The following BPIFA1 variants were observed in gnomAD, a reference collection of about 807,000 sequenced individuals.
BPIFA1 encodes BPI fold containing family A member 1.
Under a neutral mutation model 25.1 loss-of-function variants are expected in BPIFA1, and 24 were observed. The observed-to-expected ratio is 0.96, with a 90% CI of 0.69 to 1.35. The LOEUF is 1.35. Ranked by LOEUF, BPIFA1 falls within the 40% of genes most tolerant of loss-of-function variation. BPIFA1 has a pLI of 0.00. For synonymous variants in BPIFA1, 139 were observed against 131.8 expected (o/e 1.05, Z -0.37); for missense variants, 344 against 303.7 (o/e 1.13, Z -0.99).
At chr20:33,236,437 A>G (rs1978681514) in intron 1 of BPIFA1, among the ~76,000 whole-genome samples, 1 of 152,114 alleles carries the variant, frequency 6.6e-6, no homozygotes, top group African/African-American at 2.4e-5. Context: ...CCCAAAAGAG[A>G]TTCAGAGGCT....
chr20:33,239,596 G>T (rs1263070902), intron 3 of BPIFA1, among the ~76,000 whole-genome samples: 1 of 152,196 alleles, frequency 6.6e-6, no homozygotes, highest in Non-Finnish European at 1.5e-5. Flanking sequence ...CTGTGTGTGT[G>T]TCAGATCTGT....
At chr20:33,238,358 C>T (rs1978799308) in intron 3 of BPIFA1, 144 bp downstream of exon 3, 8 of 992,126 alleles carry the variant, frequency 8.1e-6, no homozygotes, top group South Asian at 6.8e-5. Context: ...AGTTCTGAGA[C>T]CCATCTCCAG....
Position 33,239,858 on chromosome 20 carries a change from G to A in BPIFA1, c.376G>A (p.Gly126Ser), listed in dbSNP as rs142118863. 38 of 1,614,124 alleles carry A rather than the reference G, an allele frequency of 2.4e-5. No individual in the cohort carries two copies. Among genetic ancestry groups the A allele is most frequent in the South Asian group, 2.3e-4 (21 of 91,084 alleles). ...ACTTGGCCTTGTGCAGAGCCCTGAT[G>A]GCCACCGTCTCTATGTCACCATCCC... ...LELGLVQSPD[G>S]HRLYVTIPLG... The change falls in exon 4 of 9, where the codon GGC becomes AGC. Residue 126 changes from glycine (G) to serine (S), a missense_variant. By Grantham distance (56) the Gly-to-Ser change is moderately conservative. Transcript: ENST00000354297.
In BPIFA1 at chr20:33,238,202, A is replaced by G; in HGVS notation, c.308A>G (p.Asn103Ser). ...GTGACGTCAGTGATTCCTGGCCTGA[A>G]CAACATCATTGAGTGAGTTGTCCTA... The part of the protein sequence containing the change: ...GKVTSVIPGL[N>S]NIIDIKVTDP... The change falls in exon 3 of 9, where the codon AAC (asparagine) becomes AGC (serine). Residue 103 changes from asparagine (N) to serine (S), a missense_variant. By Grantham distance (46) the Asn-to-Ser change is conservative (BLOSUM62 1). Transcript: ENST00000354297. The G allele has an allele frequency of 6.2e-7, 1 of 1,612,950 alleles. No individual in the cohort carries two copies. Among genetic ancestry groups the G allele is most frequent in the Non-Finnish European group, 8.5e-7 (1 of 1,179,486 alleles).
intron 3 of BPIFA1, among the ~76,000 whole-genome samples, 170 bp downstream of exon 3, chr20:33,238,384 C>T (rs1349634812): frequency 6.6e-6 from 1 of 152,194 alleles, no homozygotes; most frequent in Non-Finnish European, 1.5e-5. Flanking sequence ...CAGGGACACC[C>T]GTCCTCCCCA....
chr20:33,238,482 A>G (rs1408845253), intron 3 of BPIFA1, among the ~76,000 whole-genome samples: 1 of 152,172 alleles, frequency 6.6e-6, no homozygotes, highest in Non-Finnish European at 1.5e-5. Context: ...TCGATTTAAT[A>G]ATCTCCAGTT....
rs572619197 is a variant in BPIFA1, at chr20:33,240,480, G to T, written c.581+95G>T. ...GCTGAGACAATGAGAGAATAGATGA[G>T]TGAGAGGCTGAAAGGGTGGGAAAAT... On this transcript the variant is annotated intron_variant, in intron 5 of 8. Coordinates refer to ENST00000354297, the MANE Select transcript of BPIFA1 (RefSeq NM_130852.3). The T allele has an allele frequency of 9.5e-6, 14 of 1,473,776 alleles. No homozygotes were observed. The South Asian group carries it at 1.1e-4, about 12-fold the overall frequency. The allele number at this position is 1,473,776 out of a possible 1,614,324, so 91.3% of individuals were successfully genotyped here.
chr20:33,241,296 T>G, intron 5 of BPIFA1, 89 bp from the exon 6 acceptor site: 52 of 1,233,638 alleles, frequency 4.2e-5, no homozygotes, highest in Non-Finnish European at 5.3e-5. Context: ...GACTGAGTGT[T>G]GAGACTGTGG....
intron 1 of BPIFA1, among the ~76,000 whole-genome samples, chr20:33,237,134 T>G (rs979028730): frequency 3.3e-5 from 5 of 152,178 alleles, no homozygotes; most frequent in Non-Finnish European, 7.3e-5. Context: ...ATCTGATGGT[T>G]ACTTAATTTA....
At chr20:33,238,277 C>A in intron 3 of BPIFA1, 63 bp downstream of exon 3, 1 of 1,542,820 alleles carries the variant, frequency 6.5e-7, no homozygotes, top group African/African-American at 1.4e-5. Context: ...GATCTGCCAG[C>A]CCCAGGCAGT....
At position 33,238,177 on chromosome 20, in the gene BPIFA1, G is replaced by A. The variant is rs760068411; in HGVS notation, c.283G>A (p.Val95Met). The change falls in exon 3 of 9, where the codon GTG becomes ATG. Residue 95 changes from valine to methionine, a missense_variant. Physicochemically the swap from Val to Met is conservative, Grantham distance 21. Coordinates refer to ENST00000354297, the MANE Select transcript of BPIFA1 (RefSeq NM_130852.3). ...GGLLGGLLGKVTSVIPGLNNI... is the reference protein window; with the variant it reads ...GGLLGGLLGKMTSVIPGLNNI... Reference sequence around the variant, plus strand: ...CCTCCTTGGGGGACTGCTTGGAAAAGTGACGTCAGTGATTCCTGGCCTGAA... The same window carrying A: ...CCTCCTTGGGGGACTGCTTGGAAAAATGACGTCAGTGATTCCTGGCCTGAA... 6 of 1,613,740 alleles carry A rather than the reference G, an allele frequency of 3.7e-6. No homozygotes were observed. Among genetic ancestry groups the A allele is most frequent in the Admixed American group, 3.3e-5 (2 of 59,982 alleles).
chr20:33,242,610 C>T (rs1979037466), intron 8 of BPIFA1, 49 bp downstream of exon 8: 9 of 1,414,330 alleles, frequency 6.4e-6, no homozygotes, highest in South Asian at 1.2e-5. Context: ...GGCTGTTCTT[C>T]TCCTGGTAGA....
chr20:33,241,922 C>T (rs1978996020), intron 6 of BPIFA1, 134 bp from the exon 7 acceptor site: 4 of 780,896 alleles, frequency 5.1e-6, no homozygotes, highest in South Asian at 1.5e-5. Flanking sequence ...CATGTGTGAC[C>T]ATTGATCTGT....
rs1216108983 is a variant in BPIFA1, at chr20:33,237,786, C to T, written c.75C>T (p.Pro25=). 21 of 1,597,772 alleles carry T rather than the reference C, an allele frequency of 1.3e-5. No homozygotes were observed. Among genetic ancestry groups the T allele is most frequent in the East Asian group, 9.0e-5 (4 of 44,392 alleles). ...CCATGGCCCAGTTTGGAGGCCTGCC[C>T]GTGCCCCTGGACCAGACCCTGCCCT... ...AQTMAQFGGL[P]VPLDQTLPLN... The change falls in exon 2 of 9, where the codon CCC becomes CCT. Residue 25 remains proline (P), a synonymous_variant. Coordinates refer to ENST00000354297, the MANE Select transcript of BPIFA1 (RefSeq NM_130852.3).
In BPIFA1 at chr20:33,237,724, G is replaced by A. The variant is rs760530605; in HGVS notation, c.13G>A (p.Gly5Arg). Residue 5 changes from glycine (G) to arginine (R), a missense_variant, in exon 2 of 9, where the codon GGG (glycine) becomes AGG (arginine). Coordinates refer to ENST00000354297, the MANE Select transcript of BPIFA1 (RefSeq NM_130852.3). MFQT[G>R]GLIVFYGLLA... is the part of the protein sequence containing the mutation. ...ACTAAGAGCAAAGATGTTTCAAACT[G>A]GGGGCCTCATTGTCTTCTACGGGCT... is the stretch of plus-strand genomic sequence containing the variant. The A allele has an allele frequency of 9.6e-6, 14 of 1,462,524 alleles. No homozygotes were observed. In the Admixed American group the frequency reaches 3.4e-4, roughly 36 times the overall value. The allele number at this position is 1,462,524 out of a possible 1,614,324, so 90.6% of individuals were successfully genotyped here.
chr20:33,240,368 A>C lies in BPIFA1; in HGVS notation c.564A>C (p.Gln188His), dbSNP rs1978904275. 11 of 1,614,082 alleles carry C rather than the reference A, an allele frequency of 6.8e-6. No individual in the cohort carries two copies. The highest frequency in any genetic ancestry group is 9.3e-6 in the Non-Finnish European group (11 of 1,180,012). ...GDCTHSPGSL[Q>H]ISLLDGLGPL... ...GCACCCATTCCCCTGGAAGCCTGCA[A>C]ATTTCTCTGCTTGATGGGTGAGGCC... Residue 188 changes from glutamine to histidine, a missense_variant, in exon 5 of 9, where the codon CAA (glutamine) becomes CAC (histidine). Coordinates refer to ENST00000354297, the MANE Select transcript of BPIFA1 (RefSeq NM_130852.3).
Position 33,239,129 on chromosome 20 carries a change from G to A in BPIFA1, c.321-674G>A, listed in dbSNP as rs893783656. Among the ~76,000 whole-genome samples, 6 of 152,096 alleles carry A rather than the reference G, an allele frequency of 3.9e-5. No homozygotes were observed. The South Asian group carries it at 1.2e-3, about 32-fold the overall frequency. On this transcript the variant is annotated intron_variant, in intron 3 of 8. Coordinates refer to ENST00000354297, the MANE Select transcript of BPIFA1 (RefSeq NM_130852.3). ...AATGGCCTCCCTGCTTGATGGGTGC[G>A]GTCACAGGCCTGGCTTCTCCTGGAG...
chr20:33,239,895 A>G lies in BPIFA1; in HGVS notation c.413A>G (p.Lys138Arg). Residue 138 changes from lysine (K) to arginine (R), a missense_variant, in exon 4 of 9, where the codon AAG becomes AGG. Physicochemically the swap from Lys to Arg is conservative, Grantham distance 26. Coordinates refer to ENST00000354297, the MANE Select transcript of BPIFA1 (RefSeq NM_130852.3). ...TATGTCACCATCCCTCTCGGCATAA[A>G]GCTCCAAGTGAATACGTGAGTGGGT... ...RLYVTIPLGI[K>R]LQVNTPLVGA... 1 of 1,614,000 alleles carries G rather than the reference A, an allele frequency of 6.2e-7. No homozygotes were observed. Among genetic ancestry groups the G allele is most frequent in the East Asian group, 2.2e-5 (1 of 44,874 alleles).
Position 33,242,604 on chromosome 20 carries a change from G to A in BPIFA1, c.*34+43G>A, listed in dbSNP as rs953738366. The A allele has an allele frequency of 1.0e-5, 15 of 1,455,194 alleles. No individual in the cohort carries two copies. The African/African-American group carries it at 1.8e-4, about 18-fold the overall frequency. 90.1% of individuals were successfully genotyped at this position (1,455,194 alleles called of 1,614,324 possible). ...CACCCCAGGGTTTTGGGGGCTGGCT[G>A]TTCTTCTCCTGGTAGAAGGCAGACG... On this transcript the variant is annotated intron_variant, in intron 8 of 8. Transcript: ENST00000354297.
Sources: allele counts gnomAD v4.1 joint callset (sites outside exome capture counted in the v4.1 genomes callset), GRCh38; gene constraint gnomAD v4.1.1; transcripts MANE v1.5; gene names NCBI Gene and HGNC (gene_info 2026-07-23, HGNC 2026-07-21).